The following SLC12A7 variants were observed in gnomAD, a reference collection of about 807,000 sequenced individuals.
The protein encoded by SLC12A7 is K-Cl cotransporter 4.
Under a neutral mutation model 120.6 loss-of-function variants are expected in SLC12A7, and 100 were observed. The observed-to-expected ratio is 0.83, with a 90% CI of 0.71 to 0.98. The LOEUF is 0.98. SLC12A7 is among the 50% of genes least tolerant of loss of function. SLC12A7 has a pLI of 0.00. For synonymous variants in SLC12A7, 760 were observed against 678.0 expected (o/e 1.12, Z -1.88); for missense variants, 1,373 against 1,548.1 (o/e 0.89, Z 1.90).
At chr5:1,085,209 G>C in intron 7 of SLC12A7, 23 bp downstream of exon 7, 11 of 1,538,926 alleles carry the variant, frequency 7.1e-6, no homozygotes, top group East Asian at 2.5e-5. Flanking sequence ...ACCCACCCAC[G>C]GCTCAGAGGC....
upstream of SLC12A7, among the ~76,000 whole-genome samples, chr5:1,115,920 T>A (rs1743303242): frequency 7.0e-6 from 1 of 143,294 alleles, no homozygotes; most frequent in Admixed American, 6.7e-5. Context: ...GCTAAAGTGA[T>A]TTTTAAAAAA....
At chr5:1,079,176 T>C (rs918262452) in intron 10 of SLC12A7, among the ~76,000 whole-genome samples, 1 of 152,182 alleles carries the variant, frequency 6.6e-6, no homozygotes, top group Non-Finnish European at 1.5e-5. Flanking sequence ...GCAGGGTGAC[T>C]GCTTCTGTTT....
At position 1,050,996 on chromosome 5, in the gene SLC12A7, A is replaced by G. The variant is rs1734974530; in HGVS notation, c.*1364T>C. 1.5e-5 allele frequency: 6 copies of G among 398,612 alleles called. No homozygotes were observed. The highest frequency in any genetic ancestry group is 6.3e-4 in the Middle Eastern group (1 of 1,588). The allele number at this position is 398,612 out of a possible 1,614,324, so 24.7% of individuals were successfully genotyped here. A position where few individuals can be genotyped will look rare whatever the true frequency, so the allele number is the denominator to read the frequency against. ...GCCATCTGGGGCCTCTAGTATATAG[A>G]AGCAACCTCTTTATGGACAACCTTG... is the stretch of plus-strand genomic sequence containing the variant. On this transcript the variant is annotated 3_prime_UTR_variant, in exon 24 of 24. Coordinates refer to ENST00000264930, the MANE Select transcript of SLC12A7 (RefSeq NM_006598.3).
At chr5:1,065,052 G>A (rs1579333193) in intron 18 of SLC12A7, among the ~76,000 whole-genome samples, 1 of 126,068 alleles carries the variant, frequency 7.9e-6, no homozygotes, top group Admixed American at 7.9e-5. Context: ...AGGGGAGGCA[G>A]AGGGGGACAG....
Position 1,096,709 on chromosome 5 carries a change from GAGGGAGGAAGGAAAGGAGGGAGGGGGGA to G in SLC12A7, c.125-2489_125-2462del, listed in dbSNP as rs1441969625. The stretch of plus-strand genomic sequence containing the variant: ...GGAGGGGGGAAGGGAGGGAAGGAAG[GAGGGAGGAAGGAAAGGAGGGAGGGGGGA>G]AGGGAGGGAAGGAAGGAGGGAGGAA... On this transcript the variant is annotated intron_variant, in intron 1 of 23. Coordinates refer to ENST00000264930, the MANE Select transcript of SLC12A7 (RefSeq NM_006598.3). Among the ~76,000 whole-genome samples, 182 of 69,564 alleles carry G rather than the reference GAGGGAGGAAGGAAAGGAGGGAGGGGGGA, an allele frequency of 2.6e-3. 2 individuals carry two copies. The highest frequency in any genetic ancestry group is 0.017 in the Admixed American group (138 of 7,906). The allele number at this position is 69,564 out of a possible 152,430, so 45.6% of individuals were successfully genotyped here.
chr5:1,070,084 ATGCAGCCCCCAGTGAGCCCCCAGC>A (rs1737536759), intron 17 of SLC12A7, among the ~76,000 whole-genome samples: 2 of 27,966 alleles, frequency 7.2e-5, no homozygotes, highest in African/African-American at 4.1e-4. Flanking sequence ...CATCACACTT[ATGCAGCCCCCAGTGAGCCCCCAGC>A]ACACGGGCAT....
chr5:1,117,363 G>T, the SLC12A7 span, among the ~76,000 whole-genome samples: 1 of 152,240 alleles, frequency 6.6e-6, no homozygotes, highest in African/African-American at 2.4e-5. The surrounding 1 kb of genome is among the most constrained non-coding windows in gnomAD (Gnocchi z 4.5). Context: ...TGACCTCCAA[G>T]CTGTCCTTGT....
intron 4 of SLC12A7, 76 bp from the exon 5 acceptor site, chr5:1,088,436 T>A: frequency 6.8e-7 from 1 of 1,473,744 alleles, no homozygotes; most frequent in Non-Finnish European, 9.3e-7. Context: ...CAAGTCAGGG[T>A]CTATGACCCG....
At chr5:1,102,581 G>A (rs1207836930) in intron 1 of SLC12A7, among the ~76,000 whole-genome samples, 10 of 152,206 alleles carry the variant, frequency 6.6e-5, no homozygotes, top group African/African-American at 1.4e-4. Context: ...GCCCTCCAGC[G>A]TGGGTGGTCC....
In SLC12A7 at chr5:1,052,253, C is replaced by T; in HGVS notation, c.*107G>A. 1.0e-6 allele frequency: 1 copy of T among 961,070 alleles called. No homozygotes were observed. Among genetic ancestry groups the T allele is most frequent in the Non-Finnish European group, 1.7e-6 (1 of 596,338 alleles). 59.5% of individuals were successfully genotyped at this position (961,070 alleles called of 1,614,324 possible). On this transcript the variant is annotated 3_prime_UTR_variant, in exon 24 of 24. Coordinates refer to ENST00000264930, the MANE Select transcript of SLC12A7 (RefSeq NM_006598.3). ...CCCATGGGCAGCTTGGGCGGCATCA[C>T]TGGGGGACAGGTGTGTCTGCCGTCT...
rs967060009 is a variant in SLC12A7 at position 1,064,075 on chromosome 5, C to T, written c.2607+8G>A. 8.7e-6 allele frequency: 14 copies of T among 1,603,204 alleles called. No homozygotes were observed. The highest frequency in any genetic ancestry group is 3.3e-5 in the South Asian group (3 of 90,250). ...CTCCGGCTGGCGTGTCCCCGTCGCACGCCCCACCTTGTGCTGGCGCAGCAG... is the reference window on the plus strand; with the variant it reads ...CTCCGGCTGGCGTGTCCCCGTCGCATGCCCCACCTTGTGCTGGCGCAGCAG... On this transcript the variant is annotated splice_region_variant and intron_variant, in intron 19 of 23. Coordinates refer to ENST00000264930, the MANE Select transcript of SLC12A7 (RefSeq NM_006598.3).
the SLC12A7 span, among the ~76,000 whole-genome samples, chr5:1,145,656 A>C: frequency 6.6e-6 from 1 of 151,934 alleles, no homozygotes; most frequent in African/African-American, 2.4e-5. This position sits in a 1 kb window ranked among gnomAD's most constrained non-coding sequence, Gnocchi z 4.4. Context: ...AGAGTAATTT[A>C]GATTAAACAG....
At position 1,053,333 on chromosome 5, in the gene SLC12A7, C is replaced by T; in HGVS notation, c.3160+16G>A. The T allele has an allele frequency of 6.2e-7, 1 of 1,612,464 alleles. No homozygotes were observed. The highest frequency in any genetic ancestry group is 8.5e-7 in the Non-Finnish European group (1 of 1,179,346). ...GGTGCCCGCACGCTCAGCAGGCACA[C>T]TGCAAGAAAGGATACAGTTCTCGTC... On this transcript the variant is annotated intron_variant, in intron 23 of 23. Transcript: ENST00000264930.
chr5:1,085,147 G>A, intron 7 of SLC12A7, 85 bp downstream of exon 7: 1 of 1,547,464 alleles, frequency 6.5e-7, no homozygotes, highest in Non-Finnish European at 8.7e-7. Flanking sequence ...TCGGCGTCAA[G>A]GATGATGGAC....
chr5:1,081,849 A>C, intron 8 of SLC12A7, 105 bp from the exon 9 acceptor site: 1 of 1,380,524 alleles, frequency 7.2e-7, no homozygotes, highest in Non-Finnish European at 1.0e-6. Flanking sequence ...CCGGAGGGGA[A>C]GGGTCACAGC....
At chr5:1,140,710 G>A in the SLC12A7 span, among the ~76,000 whole-genome samples, 1 of 152,270 alleles carries the variant, frequency 6.6e-6, no homozygotes, top group Non-Finnish European at 1.5e-5. Context: ...GCGCAAGGGC[G>A]GAGCCCAGGG....
At chr5:1,073,868 G>A in intron 16 of SLC12A7, 67 bp from the exon 17 acceptor site, 1 of 1,317,858 alleles carries the variant, frequency 7.6e-7, no homozygotes, top group South Asian at 2.6e-5. Context: ...TCAACAGGCA[G>A]GGCAGATGGG....
At chr5:1,129,699 A>G in the SLC12A7 span, among the ~76,000 whole-genome samples, 1 of 151,876 alleles carries the variant, frequency 6.6e-6, no homozygotes, top group Non-Finnish European at 1.5e-5. Flanking sequence ...CCACTGTTTC[A>G]CGGAAAAAGT....
chr5:1,106,923 A>T (rs1477096910), intron 1 of SLC12A7, among the ~76,000 whole-genome samples: 3 of 152,252 alleles, frequency 2.0e-5, no homozygotes, highest in Non-Finnish European at 4.4e-5. Flanking sequence ...GTGTGGGACC[A>T]AGGACAGAAC....
Sources: allele counts gnomAD v4.1 joint callset (sites outside exome capture counted in the v4.1 genomes callset), GRCh38; gene constraint gnomAD v4.1.1; non-coding constraint Gnocchi (gnomAD v3.1); transcripts MANE v1.5; gene names NCBI Gene and HGNC (gene_info 2026-07-23, HGNC 2026-07-21).